Variants in DPY19L2 observed in about 807,000 individuals in gnomAD.
DPY19L2 encodes the protein dpy-19 like 2, also known as probable C-mannosyltransferase DPY19L2.
Under a neutral mutation model 97.9 loss-of-function variants are expected in DPY19L2, and 34 were observed. The observed-to-expected ratio is 0.35, with a 90% CI of 0.26 to 0.46. The LOEUF (loss-of-function observed/expected upper bound fraction) is 0.46, where lower values mean the gene tolerates loss of function less well. Among genes scored for constraint, DPY19L2 ranks in the 20% least tolerant of loss-of-function variants. DPY19L2 has a pLI of 1.00. For missense variants in DPY19L2, 623 were observed against 911.4 expected (o/e 0.68, Z 4.07); for synonymous variants, 230 against 307.9 (o/e 0.75, Z 2.65).
At chr12:63,602,828 G>A (rs11175066) in intron 12 of DPY19L2, among the ~76,000 whole-genome samples, 29,007 of 151,990 alleles carry the variant, frequency 0.19, 4,105 homozygotes, top group African/African-American at 0.42. Flanking sequence ...GTTATTTAAA[G>A]AAGTTGAAAA....
At chr12:63,588,172 A>C (rs901250316) in intron 16 of DPY19L2, among the ~76,000 whole-genome samples, 7 of 152,208 alleles carry the variant, frequency 4.6e-5, no homozygotes, top group Non-Finnish European at 8.8e-5. Context: ...CAACCTTCAT[A>C]AATATAAGGA....
At chr12:63,603,963 A>C (rs982007049) in intron 12 of DPY19L2, among the ~76,000 whole-genome samples, 2 of 152,144 alleles carry the variant, frequency 1.3e-5, no homozygotes, top group African/African-American at 4.8e-5. Context: ...AGAATAGAAA[A>C]CTCAGAAATA....
At chr12:63,584,386 C>T (rs1881432120) in intron 16 of DPY19L2, among the ~76,000 whole-genome samples, 1 of 152,152 alleles carries the variant, frequency 6.6e-6, no homozygotes, top group Non-Finnish European at 1.5e-5. Context: ...ATTCTAGGCA[C>T]TGTGCAATGA....
chr12:63,635,735 G>A (rs1387914213), intron 6 of DPY19L2, among the ~76,000 whole-genome samples: 1 of 151,912 alleles, frequency 6.6e-6, no homozygotes, highest in East Asian at 1.9e-4. Context: ...GAAGTTTAGA[G>A]TAAAAAGAAA....
intron 6 of DPY19L2, among the ~76,000 whole-genome samples, chr12:63,631,092 C>G (rs1254052415): frequency 1.3e-5 from 2 of 151,984 alleles, no homozygotes; most frequent in Non-Finnish European, 2.9e-5. Flanking sequence ...ATTTATAGCA[C>G]TAAATGCCCA....
chr12:63,632,939 A>C (rs1301890564), intron 6 of DPY19L2, among the ~76,000 whole-genome samples: 1 of 152,150 alleles, frequency 6.6e-6, no homozygotes, highest in Non-Finnish European at 1.5e-5. Context: ...ATCTTTGACA[A>C]ACTTGACAAA....
chr12:63,599,058 A>T (rs566054458), intron 13 of DPY19L2, among the ~76,000 whole-genome samples: 12 of 152,018 alleles, frequency 7.9e-5, no homozygotes, highest in Non-Finnish European at 1.3e-4. Context: ...CTATAACCTC[A>T]GCTACTCAGG....
chr12:63,650,003 A>C (rs1592727722), intron 4 of DPY19L2, among the ~76,000 whole-genome samples: 1 of 152,032 alleles, frequency 6.6e-6, no homozygotes, highest in Non-Finnish European at 1.5e-5. Flanking sequence ...CCTAGGATGC[A>C]AGGGTGGTTC....
At chr12:63,663,434 G>A (rs1008480434) in intron 3 of DPY19L2, among the ~76,000 whole-genome samples, 1 of 152,048 alleles carries the variant, frequency 6.6e-6, no homozygotes, top group African/African-American at 2.4e-5. Flanking sequence ...GAATCTAACT[G>A]TAGCCAAAGA....
chr12:63,655,584 T>A (rs1292803696), intron 4 of DPY19L2, among the ~76,000 whole-genome samples: 1 of 152,110 alleles, frequency 6.6e-6, no homozygotes, highest in East Asian at 1.9e-4. Context: ...AGAGAAGATA[T>A]GAAACAGGCA....
At chr12:63,636,396 C>A (rs958699979) in intron 6 of DPY19L2, among the ~76,000 whole-genome samples, 12 of 152,208 alleles carry the variant, frequency 7.9e-5, no homozygotes, top group African/African-American at 2.9e-4. Context: ...CAGCTAACAT[C>A]ATAACAACAG....
At chr12:63,596,088 A>G in intron 14 of DPY19L2, 51 bp from the exon 15 acceptor site, 1 of 1,518,250 alleles carries the variant, frequency 6.6e-7, no homozygotes, top group Non-Finnish European at 8.9e-7. Context: ...TTTACATTAA[A>G]TTAGTAAACA....
At chr12:63,613,771 A>C (rs548451061) in intron 11 of DPY19L2, among the ~76,000 whole-genome samples, 1 of 152,228 alleles carries the variant, frequency 6.6e-6, no homozygotes, top group South Asian at 2.1e-4. Flanking sequence ...AAACTTTTAG[A>C]AATAAAAAAA....
rs1384005924 is a variant in DPY19L2, at chr12:63,569,333, C to T, written c.2017G>A (p.Val673Ile). Residue 673 changes from valine to isoleucine, a missense_variant, in exon 21 of 22, where the codon GTT (valine) becomes ATT (isoleucine). Around this residue, in one of 6 missense-constraint regions of DPY19L2, gnomAD observed 294 missense variants for 446.2 expected, o/e 0.66. Transcript: ENST00000324472. ...DADLRARTKI[V>I]YSTYSRKSAK... ...GATTTTCGACTATATGTAGAATAAA[C>T]TATTTTTGTCCGAGCCCTTTAAATT... 2 of 1,592,128 alleles carry T rather than the reference C, an allele frequency of 1.3e-6. No homozygotes were observed. Among genetic ancestry groups the T allele is most frequent in the Non-Finnish European group, 1.7e-6 (2 of 1,170,800 alleles).
intron 21 of DPY19L2, among the ~76,000 whole-genome samples, chr12:63,565,112 T>C (rs1191653700): frequency 1.3e-5 from 2 of 152,208 alleles, no homozygotes; most frequent in Non-Finnish European, 2.9e-5. Context: ...CGTTTCTTTA[T>C]ATTTAAGTAA....
chr12:63,649,784 T>G (rs1893937285), intron 4 of DPY19L2, among the ~76,000 whole-genome samples: 1 of 152,088 alleles, frequency 6.6e-6, no homozygotes, highest in Non-Finnish European at 1.5e-5. Flanking sequence ...CTGAAACTAT[T>G]CCAAAAACTT....
Position 63,665,709 on chromosome 12 carries a change from T to G in DPY19L2, c.362+126A>C, listed in dbSNP as rs1232338060. 14 of 784,484 alleles carry G rather than the reference T, an allele frequency of 1.8e-5. No homozygotes were observed. The South Asian group carries it at 2.0e-4, about 11-fold the overall frequency. The allele number at this position is 784,484 out of a possible 1,614,324, so 48.6% of individuals were successfully genotyped here. On this transcript the variant is annotated intron_variant, in intron 2 of 21. Coordinates refer to ENST00000324472, the MANE Select transcript of DPY19L2 (RefSeq NM_173812.5). ...TTTGTAAAAAAGCAAAATACATGTATAAATTGGTGCACATAAAGATGTTCT... is the reference window on the plus strand; with the variant it reads ...TTTGTAAAAAAGCAAAATACATGTAGAAATTGGTGCACATAAAGATGTTCT...
chr12:63,568,268 G>A (rs1441859655), intron 21 of DPY19L2, among the ~76,000 whole-genome samples: 2 of 151,868 alleles, frequency 1.3e-5, no homozygotes, highest in Non-Finnish European at 2.9e-5. Flanking sequence ...TCTCAAAATT[G>A]TTGTTGAGTA....
chr12:63,601,371 T>C (rs533383764), intron 12 of DPY19L2, among the ~76,000 whole-genome samples: 1 of 152,252 alleles, frequency 6.6e-6, no homozygotes, highest in East Asian at 1.9e-4. Context: ...CTAGCCTTGA[T>C]TAAAAAGGGA....
Sources: gnomAD v4.1 joint callset for allele counts (sites outside exome capture counted in the v4.1 genomes callset) on GRCh38, gnomAD v4.1.1 for gene constraint, gnomAD v4.1.1 regional missense constraint, MANE v1.5 for transcripts, NCBI Gene and HGNC (gene_info 2026-07-23, HGNC 2026-07-21) for gene names.